The following UBE2O variants were observed in gnomAD, a reference collection of about 807,000 sequenced individuals.
UBE2O encodes the protein (E3-independent) E2 ubiquitin-conjugating enzyme.
UBE2O carries 15 observed loss-of-function variants against 125.8 expected under a neutral mutation model. That is an observed-to-expected ratio of 0.12 (90% CI 0.08 to 0.18). The LOEUF is 0.18. Ranked by LOEUF, UBE2O falls within the 10% of genes least tolerant of loss-of-function variation. The probability of loss-of-function intolerance (pLI) is 1.00; values close to 1 mark genes in which losing one functional copy is unlikely to be tolerated. For missense variants in UBE2O, 1,280 were observed against 1,723.6 expected, an observed-to-expected ratio of 0.74 and a Z score of 4.56; for synonymous variants, 708 against 703.2, an observed-to-expected ratio of 1.01 and a Z score of -0.11.
Position 76,396,279 on chromosome 17 carries a change from C to T in UBE2O, c.2658G>A (p.Glu886=), listed in dbSNP as rs772062350. The change falls in exon 14 of 18, where the codon GAG becomes GAA. Residue 886 remains glutamate (E), a synonymous_variant. Coordinates refer to ENST00000319380, the MANE Select transcript of UBE2O (RefSeq NM_022066.4). The surrounding 1 kb of genome is among the most constrained non-coding windows in gnomAD (Gnocchi z 6.7). ...GCCCCTCGGGCTTGTCCTCCTTGCG[C>T]TCTACGTCGGGCACTGCTTCCATCT... ...EEKMEAVPDV[E]RKEDKPEGQS... 1 of 1,614,110 alleles carries T rather than the reference C, an allele frequency of 6.2e-7. No individual in the cohort carries two copies.
intron 1 of UBE2O, among the ~76,000 whole-genome samples, chr17:76,423,014 T>C (rs1322139923): frequency 1.3e-5 from 2 of 152,176 alleles, no homozygotes; most frequent in Non-Finnish European, 2.9e-5. Flanking sequence ...CGGGGAAGTG[T>C]CCCTGCTGAC....
intron 1 of UBE2O, among the ~76,000 whole-genome samples, chr17:76,424,713 T>TA (rs894312950): frequency 1.7e-3 from 256 of 151,694 alleles, no homozygotes; most frequent in South Asian, 1.7e-3. Context: ...TATCTCTACA[T>TA]AAAAAAATGG....
Position 76,402,478 on chromosome 17 carries a change from A to G in UBE2O, c.686+124T>C, listed in dbSNP as rs1464473469. 1 of 847,402 alleles carries G rather than the reference A, an allele frequency of 1.2e-6. No homozygotes were observed. The highest frequency in any genetic ancestry group is 1.7e-5 in the African/African-American group (1 of 59,976). The allele number at this position is 847,402 out of a possible 1,614,324, so 52.5% of individuals were successfully genotyped here. ...CAGGGTTAGGCCCTGGATGCCTGCA[A>G]CATCTGTCACTGCCCTTGATCAAAC... On this transcript the variant is annotated intron_variant, in intron 4 of 17. Coordinates refer to ENST00000319380, the MANE Select transcript of UBE2O (RefSeq NM_022066.4). This position sits in a 1 kb window ranked among gnomAD's most constrained non-coding sequence, Gnocchi z 5.4.
rs1164085209 is a variant in UBE2O, at chr17:76,401,362, T to C, written c.751-208A>G. Among the ~76,000 whole-genome samples, 8 of 152,324 alleles carry C rather than the reference T, an allele frequency of 5.3e-5. No individual in the cohort carries two copies. The Middle Eastern group carries it at 0.017, about 324-fold the overall frequency. On this transcript the variant is annotated intron_variant, in intron 5 of 17. Coordinates refer to ENST00000319380, the MANE Select transcript of UBE2O (RefSeq NM_022066.4). ...GTCATCTGGCGCCCTTGTTCAAACA[T>C]AGGTGATGCATTCCATGCTCCTTGG... is the stretch of plus-strand genomic sequence containing the variant.
chr17:76,393,367 C>A (rs369675245), intron 15 of UBE2O, among the ~76,000 whole-genome samples: 35 of 151,498 alleles, frequency 2.3e-4, no homozygotes, highest in African/African-American at 8.0e-4. Flanking sequence ...CAGGTTCAAG[C>A]GATTCTCTGC....
chr17:76,447,866 G>A (rs1308479693), intron 1 of UBE2O, among the ~76,000 whole-genome samples: 1 of 152,152 alleles, frequency 6.6e-6, no homozygotes, highest in Non-Finnish European at 1.5e-5. Flanking sequence ...AAGGCACAGG[G>A]CTGGCTCTCT....
Position 76,397,737 on chromosome 17 carries a change from T to C in UBE2O, c.2115+62A>G. On this transcript the variant is annotated intron_variant, in intron 13 of 17. Transcript: ENST00000319380. ...AGCCCATCTTCTGGCTACACGCCTG[T>C]GGCCCCCGGCCCAAGTTGCCATAGT... 2.0e-6 allele frequency: 3 copies of C among 1,531,360 alleles called. No individual in the cohort carries two copies. The South Asian group carries it at 3.4e-5, about 17-fold the overall frequency. 94.9% of individuals were successfully genotyped at this position (1,531,360 alleles called of 1,614,324 possible). A position where few individuals can be genotyped will look rare whatever the true frequency, so the allele number is the denominator to read the frequency against.
rs1483591168 is a variant in UBE2O at position 76,400,786 on chromosome 17, C to T, written c.894+225G>A. Among the ~76,000 whole-genome samples, 1 of 152,210 alleles carries T rather than the reference C, an allele frequency of 6.6e-6. No individual in the cohort carries two copies. The highest frequency in any genetic ancestry group is 1.5e-5 in the Non-Finnish European group (1 of 68,034). ...CACTGGAACTGCCACTTGCCACCCT[C>T]CCACCTTGCTCAGCCTGTACAGGCT... On this transcript the variant is annotated intron_variant, in intron 6 of 17. Coordinates refer to ENST00000319380, the MANE Select transcript of UBE2O (RefSeq NM_022066.4). The surrounding 1 kb of genome is among the most constrained non-coding windows in gnomAD (Gnocchi z 4.3).
At chr17:76,433,703 C>T (rs1389827020) in intron 1 of UBE2O, among the ~76,000 whole-genome samples, 2 of 149,506 alleles carry the variant, frequency 1.3e-5, no homozygotes, top group African/African-American at 4.9e-5. Context: ...CAGAGCGAGA[C>T]TCCATCTCAG....
chr17:76,397,590 C>T (rs753752199), intron 13 of UBE2O, among the ~76,000 whole-genome samples: 12 of 152,324 alleles, frequency 7.9e-5, no homozygotes, highest in Admixed American at 1.3e-4. Flanking sequence ...CAGAGATGGA[C>T]GTGAAGAGAT....
intron 1 of UBE2O, among the ~76,000 whole-genome samples, chr17:76,409,092 C>T (rs1380350910): frequency 6.6e-6 from 1 of 151,960 alleles, no homozygotes; most frequent in Admixed American, 6.6e-5. Flanking sequence ...CCTCAGCCTC[C>T]TGAGTAGCTG....
chr17:76,450,171 G>C (rs1343838006), intron 1 of UBE2O, among the ~76,000 whole-genome samples: 1 of 151,940 alleles, frequency 6.6e-6, no homozygotes, highest in Non-Finnish European at 1.5e-5. Context: ...TTGGTCTAAT[G>C]GTCTTTCCTT....
rs771268919 is a variant in UBE2O, at chr17:76,398,798, C to A, written c.1783+39G>T. Reference sequence around the variant, plus strand: ...AAGCCCCAACCCGGGCCCTCATTGGCGACCACCCTGCTGGCTGCCCTTCCA... The same window carrying A: ...AAGCCCCAACCCGGGCCCTCATTGGAGACCACCCTGCTGGCTGCCCTTCCA... On this transcript the variant is annotated intron_variant, in intron 10 of 17. Coordinates refer to ENST00000319380, the MANE Select transcript of UBE2O (RefSeq NM_022066.4). The surrounding 1 kb of genome is among the most constrained non-coding windows in gnomAD (Gnocchi z 5.4). The A allele has an allele frequency of 1.2e-6, 2 of 1,602,232 alleles. No homozygotes were observed. The highest frequency in any genetic ancestry group is 1.3e-5 in the African/African-American group (1 of 74,890).
At chr17:76,444,625 A>G (rs1002693262) in intron 1 of UBE2O, among the ~76,000 whole-genome samples, 3 of 152,216 alleles carry the variant, frequency 2.0e-5, no homozygotes, top group Admixed American at 1.3e-4. Flanking sequence ...GGGAGCCGTC[A>G]CACTCAGTGG....
At chr17:76,435,141 G>A (rs1001955893) in intron 1 of UBE2O, among the ~76,000 whole-genome samples, 12 of 152,204 alleles carry the variant, frequency 7.9e-5, no homozygotes, top group East Asian at 5.8e-4. Context: ...CGAAGCAAAC[G>A]GGAAGGTCAG....
chr17:76,423,419 C>T (rs1379311444), intron 1 of UBE2O, among the ~76,000 whole-genome samples: 3 of 151,228 alleles, frequency 2.0e-5, no homozygotes, highest in South Asian at 2.1e-4. Flanking sequence ...GAGGGCCCGG[C>T]GTGGTGGCTC....
intron 1 of UBE2O, among the ~76,000 whole-genome samples, chr17:76,435,119 T>C (rs892076577): frequency 6.6e-6 from 1 of 152,330 alleles, no homozygotes; most frequent in South Asian, 2.1e-4. Flanking sequence ...CCAAGCCAGC[T>C]GTGAGTCACC....
chr17:76,413,678 G>A (rs1421033129), intron 1 of UBE2O, among the ~76,000 whole-genome samples: 8 of 152,052 alleles, frequency 5.3e-5, no homozygotes, highest in African/African-American at 1.2e-4. Context: ...GCCGACTCTC[G>A]GTCCTTTCTG....
At chr17:76,431,885 T>C (rs973003832) in intron 1 of UBE2O, among the ~76,000 whole-genome samples, 1 of 152,228 alleles carries the variant, frequency 6.6e-6, no homozygotes. Flanking sequence ...TTGTTTCAAA[T>C]GTTAAAGAAA....
Sources: gnomAD v4.1 joint callset for allele counts (sites outside exome capture counted in the v4.1 genomes callset) on GRCh38, gnomAD v4.1.1 for gene constraint, Gnocchi (gnomAD v3.1) non-coding constraint, MANE v1.5 for transcripts, NCBI Gene and HGNC (gene_info 2026-07-23, HGNC 2026-07-21) for gene names.